The following NRG1 variants were observed in gnomAD, a reference collection of about 807,000 sequenced individuals.
The protein encoded by NRG1 is neuregulin 1.
NRG1 carries 18 observed loss-of-function variants against 63.8 expected under a neutral mutation model. The observed-to-expected ratio is 0.28, with a 90% confidence interval of 0.19 to 0.42. The LOEUF is 0.42. Ranked by LOEUF, NRG1 falls within the 10% of genes least tolerant of loss-of-function variation. The pLI is 1.00. For missense variants in NRG1, 762 were observed against 814.7 expected, an observed-to-expected ratio of 0.94 and a Z score of 0.79; for synonymous variants, 302 against 301.3, an observed-to-expected ratio of 1.00 and a Z score of -0.02.
At chr8:32,711,376 A>G (rs533743601) in intron 5 of NRG1, among the ~76,000 whole-genome samples, 98 of 152,270 alleles carry the variant, frequency 6.4e-4, no homozygotes, top group Non-Finnish European at 5.9e-5. Context: ...TTCATGCTTT[A>G]CTATACAGAT....
At chr8:32,048,617 C>T (rs118126485) in intron 1 of NRG1, among the ~76,000 whole-genome samples, 1,843 of 151,694 alleles carry the variant, frequency 0.012, 14 homozygotes, top group Admixed American at 0.019. Flanking sequence ...TCCTCCACAT[C>T]CTCACTAGCA....
chr8:32,424,902 A>C (rs3857880), intron 1 of NRG1, among the ~76,000 whole-genome samples: 16,185 of 152,128 alleles, frequency 0.11, 1,188 homozygotes, highest in Admixed American at 0.23. Flanking sequence ...CAAACAAAAA[A>C]ACAAAAAAAA....
intron 1 of NRG1, among the ~76,000 whole-genome samples, chr8:32,560,156 A>G (rs1453223229): frequency 6.6e-6 from 1 of 152,084 alleles, no homozygotes; most frequent in African/African-American, 2.4e-5. Flanking sequence ...TTTCTATAAT[A>G]CAGAAAATAT....
At chr8:32,723,326 C>A (rs1821125799) in intron 5 of NRG1, among the ~76,000 whole-genome samples, 1 of 152,134 alleles carries the variant, frequency 6.6e-6, no homozygotes, top group African/African-American at 2.4e-5. Flanking sequence ...CATGGTCTTA[C>A]AATTTTTAAC....
intron 1 of NRG1, among the ~76,000 whole-genome samples, chr8:32,201,577 C>T (rs1359816803): frequency 3.3e-5 from 5 of 152,284 alleles, no homozygotes; most frequent in East Asian, 3.9e-4. Flanking sequence ...AAGGAATTTA[C>T]TTACACATGA....
At chr8:32,044,563 TAAAAC>T (rs1280917686) in intron 1 of NRG1, among the ~76,000 whole-genome samples, 2 of 151,768 alleles carry the variant, frequency 1.3e-5, no homozygotes, top group Non-Finnish European at 3.0e-5. Context: ...TTCTAAATAA[TAAAAC>T]AAATTTATGG....
intron 1 of NRG1, among the ~76,000 whole-genome samples, chr8:32,196,118 A>AGTGT (rs55951634): frequency 0.11 from 16,065 of 146,788 alleles, 1,251 homozygotes; most frequent in East Asian, 0.26. Context: ...AAAAACAATG[A>AGTGT]GTGTGTGTGT....
chr8:32,564,937 G>A lies in NRG1; in HGVS notation c.100+16111G>A, dbSNP rs115397494. Among the ~76,000 whole-genome samples, 937 of 152,132 alleles carry A rather than the reference G, an allele frequency of 6.2e-3. 12 individuals carry two copies. Among genetic ancestry groups the A allele is most frequent in the African/African-American group, 0.021 (863 of 41,488 alleles). On this transcript the variant is annotated intron_variant, in intron 1 of 11. Coordinates refer to ENST00000356819, the Ensembl canonical transcript of NRG1. ...AAAAAAAAGTTAGCCAGTTATAATG[G>A]TGCACATGTGTAGTACCAGCTACTT...
At chr8:32,510,894 A>C (rs976795940) in intron 1 of NRG1, among the ~76,000 whole-genome samples, 2 of 151,612 alleles carry the variant, frequency 1.3e-5, no homozygotes, top group African/African-American at 4.8e-5. Flanking sequence ...GGTTCTTATA[A>C]ACATTGTTCT....
chr8:32,196,476 GA>G (rs1228435884), intron 1 of NRG1, among the ~76,000 whole-genome samples: 3 of 152,120 alleles, frequency 2.0e-5, no homozygotes, highest in African/African-American at 7.2e-5. Flanking sequence ...ATGGCAAATG[GA>G]AAAGATGAAA....
At chr8:32,661,820 CAT>C (rs1399591255) in intron 5 of NRG1, among the ~76,000 whole-genome samples, 1 of 151,996 alleles carries the variant, frequency 6.6e-6, no homozygotes, top group East Asian at 1.9e-4. Flanking sequence ...GGCAGTACAT[CAT>C]ATGGGGAAAA....
At chr8:31,681,193 G>A (rs1268261511) in intron 1 of NRG1, among the ~76,000 whole-genome samples, 2 of 151,988 alleles carry the variant, frequency 1.3e-5, no homozygotes, top group African/African-American at 2.4e-5. Context: ...CTAGGAAATT[G>A]TTAGAAAAAT....
intron 5 of NRG1, among the ~76,000 whole-genome samples, chr8:32,701,853 T>C (rs1814973889): frequency 6.6e-6 from 1 of 152,186 alleles, no homozygotes; most frequent in Non-Finnish European, 1.5e-5. Flanking sequence ...AGGGACCCCC[T>C]TAAACTGAAA....
chr8:31,958,847 C>G (rs1182056647), intron 1 of NRG1, among the ~76,000 whole-genome samples: 3 of 152,088 alleles, frequency 2.0e-5, no homozygotes, highest in Non-Finnish European at 4.4e-5. Flanking sequence ...CTTTAGGAAG[C>G]TAAACAGAAC....
downstream of NRG1, among the ~76,000 whole-genome samples, chr8:32,771,064 C>T (rs1277074428): frequency 6.6e-6 from 1 of 152,030 alleles, no homozygotes; most frequent in Non-Finnish European, 1.5e-5. Context: ...AAACATATCA[C>T]CAAATAATAT....
chr8:32,716,135 A>G (rs1475413691), intron 5 of NRG1, among the ~76,000 whole-genome samples: 1 of 152,094 alleles, frequency 6.6e-6, no homozygotes, highest in Non-Finnish European at 1.5e-5. Context: ...GAGTCACTGG[A>G]TTCTGTGGTT....
intron 1 of NRG1, among the ~76,000 whole-genome samples, chr8:31,845,253 C>G (rs1408403912): frequency 6.6e-6 from 1 of 152,082 alleles, no homozygotes; most frequent in African/African-American, 2.4e-5. Flanking sequence ...ATTGGTATGT[C>G]AGATATGATT....
At chr8:32,114,760 ACT>A (rs1832483074) in intron 1 of NRG1, among the ~76,000 whole-genome samples, 1 of 152,002 alleles carries the variant, frequency 6.6e-6, no homozygotes, top group Non-Finnish European at 1.5e-5. Context: ...AGAGCCCAGA[ACT>A]CTCCCTGGAG....
At chr8:32,053,900 C>G (rs974381839) in intron 1 of NRG1, among the ~76,000 whole-genome samples, 8 of 152,146 alleles carry the variant, frequency 5.3e-5, no homozygotes, top group African/African-American at 1.7e-4. Flanking sequence ...TTCAGCAGTT[C>G]TTTCTCATTA....
Sources: gnomAD v4.1 joint callset for allele counts (sites outside exome capture counted in the v4.1 genomes callset) on GRCh38, gnomAD v4.1.1 for gene constraint, MANE v1.5 for transcripts, NCBI Gene and HGNC (gene_info 2026-07-23, HGNC 2026-07-21) for gene names.